ERICH6B: variants seen among roughly 807,000 people sequenced by gnomAD.
ERICH6B encodes glutamate-rich protein 6B.
Under a neutral mutation model 80.0 loss-of-function variants are expected in ERICH6B, and 69 were observed. The observed-to-expected ratio is 0.86, with a 90% CI of 0.71 to 1.05. The LOEUF (loss-of-function observed/expected upper bound fraction) is 1.05. ERICH6B is among the 50% of genes least tolerant of loss of function. The pLI, the probability that ERICH6B is intolerant of heterozygous loss-of-function variation, is 0.00. For synonymous variants in ERICH6B, 283 were observed against 291.9 expected (o/e 0.97, Z 0.31); for missense variants, 754 against 796.1 (o/e 0.95, Z 0.64).
intron 7 of ERICH6B, among the ~76,000 whole-genome samples, chr13:45,576,496 G>C (rs997107474): frequency 6.6e-6 from 1 of 152,210 alleles, no homozygotes; most frequent in African/African-American, 2.4e-5. Flanking sequence ...AGAATCCTTG[G>C]GAATTCAAGC....
chr13:45,585,081 C>G (rs757984374), intron 5 of ERICH6B, among the ~76,000 whole-genome samples: 3 of 152,188 alleles, frequency 2.0e-5, no homozygotes, highest in Non-Finnish European at 4.4e-5. Flanking sequence ...CTGCTCAGTG[C>G]TCCTTGGTTC....
chr13:45,560,795 T>A (rs1285555193), intron 11 of ERICH6B, among the ~76,000 whole-genome samples: 1 of 152,250 alleles, frequency 6.6e-6, no homozygotes, highest in Non-Finnish European at 1.5e-5. Flanking sequence ...TAATTGCTTA[T>A]TTCTTTTTAA....
chr13:45,565,142 T>C (rs77780048), intron 9 of ERICH6B, among the ~76,000 whole-genome samples: 1,697 of 152,242 alleles, frequency 0.011, 31 homozygotes, highest in African/African-American at 0.039. Context: ...TGTTTTTTTT[T>C]TGCTGATCCA....
At chr13:45,615,363 C>G (rs1024284603) in intron 1 of ERICH6B, among the ~76,000 whole-genome samples, 8 of 152,226 alleles carry the variant, frequency 5.3e-5, no homozygotes, top group Non-Finnish European at 1.2e-4. Flanking sequence ...CACTTCCCCC[C>G]AGAGCTAGGG....
At position 45,596,616 on chromosome 13, in the gene ERICH6B, C is replaced by G. The variant is rs1217996175; in HGVS notation, c.390G>C (p.Lys130Asn). Reference sequence around the variant, plus strand: ...ACTCTTCCTCCTCCAGATGCTCTTCCTTCCCCAGGTACTCTTCCTCCTCCA... The same window carrying G: ...ACTCTTCCTCCTCCAGATGCTCTTCGTTCCCCAGGTACTCTTCCTCCTCCA... ...GYLEEEEYLG[K>N]EEHLEEEEYL... is the part of the protein sequence containing the mutation. Residue 130 changes from lysine (K) to asparagine (N), a missense_variant, in exon 3 of 15, where the codon AAG (lysine) becomes AAC (asparagine). Transcript: ENST00000298738. 2 of 1,546,234 alleles carry G rather than the reference C, an allele frequency of 1.3e-6. No individual in the cohort carries two copies. Among genetic ancestry groups the G allele is most frequent in the Non-Finnish European group, 1.7e-6 (2 of 1,143,462 alleles).
intron 4 of ERICH6B, 106 bp from the exon 5 acceptor site, chr13:45,587,338 C>T (rs1368842513): frequency 3.3e-6 from 3 of 919,188 alleles, no homozygotes; most frequent in African/African-American, 3.3e-5. Flanking sequence ...TGTCCAGACC[C>T]AGATGATGGA....
chr13:45,569,310 G>A (rs961905343), intron 8 of ERICH6B, among the ~76,000 whole-genome samples: 6 of 152,170 alleles, frequency 3.9e-5, no homozygotes, highest in Admixed American at 3.9e-4. Context: ...ATCTTTAGTA[G>A]AGATGGGATT....
At position 45,580,586 on chromosome 13, in the gene ERICH6B, A is replaced by G. The variant is rs1566297145; in HGVS notation, c.919+17T>C. 6.4e-7 allele frequency: 1 copy of G among 1,551,340 alleles called. No individual in the cohort carries two copies. The highest frequency in any genetic ancestry group is 2.4e-5 in the East Asian group (1 of 40,916). ...GACTAACTTCTACAGATCATTTAAAATCATCATAAACTTTACCTTCCGGAG... is the reference window on the plus strand; with the variant it reads ...GACTAACTTCTACAGATCATTTAAAGTCATCATAAACTTTACCTTCCGGAG... On this transcript the variant is annotated intron_variant, in intron 6 of 14. Coordinates refer to ENST00000298738, the MANE Select transcript of ERICH6B (RefSeq NM_182542.3).
intron 2 of ERICH6B, among the ~76,000 whole-genome samples, chr13:45,601,164 C>T (rs1949824821): frequency 6.6e-6 from 1 of 152,188 alleles, no homozygotes; most frequent in Admixed American, 6.5e-5. Context: ...CTGTCCTTGG[C>T]TGTAAATTTC....
intron 9 of ERICH6B, among the ~76,000 whole-genome samples, chr13:45,567,988 A>C (rs144111298): frequency 8.2e-4 from 125 of 152,306 alleles, no homozygotes; most frequent in African/African-American, 3.0e-3. Context: ...AGACTTTTGT[A>C]CAAGTTCATG....
In ERICH6B at chr13:45,560,935, G is replaced by A. The variant is rs1021961437; in HGVS notation, c.1407+434C>T. On this transcript the variant is annotated intron_variant, in intron 11 of 14. Coordinates refer to ENST00000298738, the MANE Select transcript of ERICH6B (RefSeq NM_182542.3). ...TATATATCTTTTTCTTTTTAGAGGCGGGGTCTTGCTATGTTGCCTAGGCTA... is the reference window on the plus strand; with the variant it reads ...TATATATCTTTTTCTTTTTAGAGGCAGGGTCTTGCTATGTTGCCTAGGCTA... 7.2e-5 allele frequency among the ~76,000 whole-genome samples: 11 copies of A among 152,068 alleles called. No individual in the cohort carries two copies. In the South Asian group the frequency reaches 1.0e-3, roughly 14 times the overall value.
At chr13:45,574,213 C>T (rs1343758887) in intron 8 of ERICH6B, among the ~76,000 whole-genome samples, 2 of 152,152 alleles carry the variant, frequency 1.3e-5, no homozygotes, top group African/African-American at 2.4e-5. Context: ...CAATCGAGAA[C>T]ACAATGAATA....
At chr13:45,583,665 C>G (rs561880774) in intron 5 of ERICH6B, among the ~76,000 whole-genome samples, 2 of 152,230 alleles carry the variant, frequency 1.3e-5, no homozygotes, top group Non-Finnish European at 2.9e-5. Context: ...GGCGGTTTCC[C>G]CCATACTGTT....
At chr13:45,613,921 A>G (rs1212675166) in intron 1 of ERICH6B, among the ~76,000 whole-genome samples, 1 of 152,152 alleles carries the variant, frequency 6.6e-6, no homozygotes, top group Non-Finnish European at 1.5e-5. Flanking sequence ...ACTCATGGAT[A>G]CAGATTCTTG....
chr13:45,597,021 G>C lies in ERICH6B; in HGVS notation c.-16C>G, dbSNP rs1358558012. The C allele has an allele frequency of 3.3e-6, 5 of 1,524,812 alleles. No homozygotes were observed. The Admixed American group carries it at 1.0e-4, about 31-fold the overall frequency. The allele number at this position is 1,524,812 out of a possible 1,614,324, so 94.5% of individuals were successfully genotyped here. On this transcript the variant is annotated 5_prime_UTR_variant, in exon 3 of 15. Transcript: ENST00000298738. ...CAGCAGACATGCTGGGGAAGTCGTA[G>C]GTGGTGAACTCCTTCTGCAGCAGCC...
chr13:45,557,314 T>C (rs1228751259), intron 11 of ERICH6B, among the ~76,000 whole-genome samples: 1 of 152,208 alleles, frequency 6.6e-6, no homozygotes, highest in Non-Finnish European at 1.5e-5. Flanking sequence ...GAGTTTGTTG[T>C]AGATTCTGGA....
chr13:45,596,280 C>A lies in ERICH6B; in HGVS notation c.637+89G>T, dbSNP rs1314589902. ...GGGATGCCCTCCTCCAGATACTCAT[C>A]CCTTTCCAGATACTCTTCTTCATCC... On this transcript the variant is annotated intron_variant, in intron 3 of 14. Coordinates refer to ENST00000298738, the MANE Select transcript of ERICH6B (RefSeq NM_182542.3). 6.3e-6 allele frequency: 9 copies of A among 1,420,570 alleles called. No individual in the cohort carries two copies. The Admixed American group carries it at 2.4e-4, about 37-fold the overall frequency. 88.0% of individuals were successfully genotyped at this position (1,420,570 alleles called of 1,614,324 possible).
intron 8 of ERICH6B, among the ~76,000 whole-genome samples, chr13:45,572,844 T>C (rs1325699013): frequency 1.3e-5 from 2 of 152,114 alleles, no homozygotes; most frequent in Non-Finnish European, 2.9e-5. Context: ...AAATGTCCAA[T>C]AATTGTGAAA....
At chr13:45,552,467 A>G (rs1566286052) in intron 11 of ERICH6B, among the ~76,000 whole-genome samples, 1 of 151,370 alleles carries the variant, frequency 6.6e-6, no homozygotes, top group Non-Finnish European at 1.5e-5. Flanking sequence ...TGCATGGAAA[A>G]GGATGCTTCT....
Sources: gnomAD v4.1 joint callset for allele counts (sites outside exome capture counted in the v4.1 genomes callset) on GRCh38, gnomAD v4.1.1 for gene constraint, MANE v1.5 for transcripts, NCBI Gene and HGNC (gene_info 2026-07-23, HGNC 2026-07-21) for gene names.